The following PPP2R5E variants were observed in gnomAD, a reference collection of about 807,000 sequenced individuals.
PPP2R5E encodes protein phosphatase 2 regulatory subunit B'epsilon.
PPP2R5E carries 4 observed loss-of-function variants against 65.3 expected under a neutral mutation model. The ratio of observed to expected loss-of-function variants is 0.06; its 90% CI spans 0.03 to 0.14. The LOEUF (loss-of-function observed/expected upper bound fraction) is 0.14, where lower values mean the gene tolerates loss of function less well. Among genes scored for constraint, PPP2R5E ranks in the 10% least tolerant of loss-of-function variants. The probability of loss-of-function intolerance (pLI) is 1.00; values close to 1 mark genes in which losing one functional copy is unlikely to be tolerated. For missense variants in PPP2R5E, 274 were observed against 556.1 expected, an observed-to-expected ratio of 0.49 and a Z score of 5.10; for synonymous variants, 183 against 187.4, an observed-to-expected ratio of 0.98 and a Z score of 0.19.
At position 63,375,288 on chromosome 14, in the gene PPP2R5E, T is replaced by A. The variant is rs1443853957; in HGVS notation, c.*721A>T. On this transcript the variant is annotated 3_prime_UTR_variant, in exon 14 of 14. Transcript: ENST00000337537. ...TTTTCAAAGGATTCAAGACATTGAT[T>A]TGGATTCACCATAAACTGATGCATG... The A allele has an allele frequency of 6.6e-6, 1 of 152,636 alleles. No homozygotes were observed. Among genetic ancestry groups the A allele is most frequent in the Admixed American group, 6.5e-5 (1 of 15,276 alleles). 9.5% of individuals were successfully genotyped at this position (152,636 alleles called of 1,614,324 possible).
chr14:63,525,249 G>A (rs1893140670), intron 2 of PPP2R5E, among the ~76,000 whole-genome samples: 1 of 151,934 alleles, frequency 6.6e-6, no homozygotes, highest in African/African-American at 2.4e-5. Context: ...ATTCTCCCAG[G>A]TCCACAGCCA....
chr14:63,376,940 G>A (rs1000508408), intron 13 of PPP2R5E, among the ~76,000 whole-genome samples: 2 of 151,958 alleles, frequency 1.3e-5, no homozygotes, highest in Non-Finnish European at 2.9e-5. Context: ...GGCCGAGGCG[G>A]GTGGATCATC....
intron 2 of PPP2R5E, among the ~76,000 whole-genome samples, chr14:63,456,126 TA>T (rs1221880204): frequency 3.3e-5 from 5 of 152,226 alleles, no homozygotes; most frequent in Admixed American, 2.0e-4. Flanking sequence ...AAATTTTAAT[TA>T]ATTCAATATT....
chr14:63,480,294 C>A (rs1445080173), intron 2 of PPP2R5E, among the ~76,000 whole-genome samples: 3 of 152,008 alleles, frequency 2.0e-5, no homozygotes, highest in African/African-American at 7.2e-5. Flanking sequence ...TCTGTCTCTA[C>A]TAAAAATACA....
intron 5 of PPP2R5E, 123 bp downstream of exon 5, chr14:63,415,011 TTATATA>T: frequency 4.5e-6 from 2 of 444,628 alleles, no homozygotes; most frequent in East Asian, 4.1e-5. Context: ...TAACTTATGT[TTATATA>T]TATATATATA....
chr14:63,487,647 T>C (rs1472331872), intron 2 of PPP2R5E, among the ~76,000 whole-genome samples: 2 of 152,216 alleles, frequency 1.3e-5, no homozygotes, highest in Non-Finnish European at 1.5e-5. Context: ...TTTTAGTCCT[T>C]TCTATACAAA....
intron 3 of PPP2R5E, among the ~76,000 whole-genome samples, chr14:63,422,465 G>A (rs149367909): frequency 2.0e-3 from 299 of 152,250 alleles, no homozygotes; most frequent in African/African-American, 6.0e-3. Flanking sequence ...AGTGGCTCAC[G>A]CCTGTAATCC....
chr14:63,460,311 T>C (rs756190014), intron 2 of PPP2R5E, among the ~76,000 whole-genome samples: 2 of 152,166 alleles, frequency 1.3e-5, no homozygotes, highest in East Asian at 3.9e-4. Flanking sequence ...CATGACACAC[T>C]GGAAGGGCTG....
chr14:63,478,400 T>C (rs565513865), intron 2 of PPP2R5E, among the ~76,000 whole-genome samples: 2 of 152,252 alleles, frequency 1.3e-5, no homozygotes, highest in African/African-American at 2.4e-5. Context: ...TTCAATACAA[T>C]TGTAAATATT....
intron 13 of PPP2R5E, among the ~76,000 whole-genome samples, chr14:63,376,868 C>T (rs1251771516): frequency 6.6e-6 from 1 of 151,862 alleles, no homozygotes; most frequent in African/African-American, 2.4e-5. Flanking sequence ...TGCAGCGAAC[C>T]AATAAAAAGC....
intron 3 of PPP2R5E, chr14:63,451,258 G>C (rs973037133): frequency 3.9e-5 from 6 of 152,040 alleles, no homozygotes; most frequent in Admixed American, 3.9e-4. Context: ...AAAAAAACTT[G>C]TACACAGATA....
intron 3 of PPP2R5E, among the ~76,000 whole-genome samples, chr14:63,433,039 T>G (rs1035306811): frequency 1.2e-4 from 17 of 139,984 alleles, no homozygotes; most frequent in African/African-American, 3.4e-4. Flanking sequence ...TTTGTTTTTT[T>G]TTTTTTTTTT....
At position 63,515,019 on chromosome 14, in the gene PPP2R5E, T is replaced by C. The variant is rs538513000; in HGVS notation, c.157+24510A>G. 4.6e-5 allele frequency among the ~76,000 whole-genome samples: 7 copies of C among 152,302 alleles called. No individual in the cohort carries two copies. The South Asian group carries it at 1.4e-3, about 32-fold the overall frequency. On this transcript the variant is annotated intron_variant, in intron 2 of 13. Coordinates refer to ENST00000337537, the MANE Select transcript of PPP2R5E (RefSeq NM_006246.5). ...TTTCATAACTCTACCCTGCTGAACA[T>C]GCAATATCTCTGTGTCTTTATCTTC...
At chr14:63,483,047 G>A (rs1008453213) in intron 2 of PPP2R5E, among the ~76,000 whole-genome samples, 1 of 152,200 alleles carries the variant, frequency 6.6e-6, no homozygotes, top group Non-Finnish European at 1.5e-5. Context: ...GCTCACACCT[G>A]TCATCCTAGG....
chr14:63,485,539 C>A (rs946542734), intron 2 of PPP2R5E, among the ~76,000 whole-genome samples: 1 of 152,098 alleles, frequency 6.6e-6, no homozygotes, highest in Non-Finnish European at 1.5e-5. Flanking sequence ...CTCGGCCTCC[C>A]GAGTAGCTGG....
intron 5 of PPP2R5E, among the ~76,000 whole-genome samples, chr14:63,397,859 C>T (rs1360859071): frequency 6.6e-6 from 1 of 151,804 alleles, no homozygotes; most frequent in Non-Finnish European, 1.5e-5. Context: ...TCCTGAGTAG[C>T]TGGGACTAAA....
At chr14:63,400,694 C>T (rs1286090382) in intron 5 of PPP2R5E, among the ~76,000 whole-genome samples, 5 of 198 alleles carry the variant, frequency 0.025, no homozygotes. Context: ...GTGGCCCCAA[C>T]CAGCCAAAAA....
intron 3 of PPP2R5E, among the ~76,000 whole-genome samples, chr14:63,450,562 C>T (rs1477577331): frequency 6.6e-6 from 1 of 152,132 alleles, no homozygotes; most frequent in African/African-American, 2.4e-5. Flanking sequence ...AGTTTAAAAT[C>T]TGGGTATAAT....
At chr14:63,471,486 A>C (rs1890128003) in intron 2 of PPP2R5E, among the ~76,000 whole-genome samples, 1 of 152,236 alleles carries the variant, frequency 6.6e-6, no homozygotes, top group Non-Finnish European at 1.5e-5. Context: ...AAAATCTTGA[A>C]TGAGTCATCC....
Sources: allele counts gnomAD v4.1 joint callset (sites outside exome capture counted in the v4.1 genomes callset), GRCh38; gene constraint gnomAD v4.1.1; transcripts MANE v1.5; gene names NCBI Gene and HGNC (gene_info 2026-07-23, HGNC 2026-07-21).